The following MECOM variants were observed in gnomAD, a reference collection of about 807,000 sequenced individuals.
MECOM encodes histone-lysine N-methyltransferase MECOM.
MECOM carries 13 observed loss-of-function variants against 116.3 expected under a neutral mutation model. The ratio of observed to expected loss-of-function variants is 0.11; its 90% CI spans 0.07 to 0.18. The LOEUF is 0.18. MECOM is among the 10% of genes least tolerant of loss of function. The probability of loss-of-function intolerance (pLI) is 1.00; values close to 1 mark genes in which losing one functional copy is unlikely to be tolerated. For missense variants in MECOM, 1,299 were observed against 1,509.0 expected (o/e 0.86, Z 2.31); for synonymous variants, 528 against 535.2 (o/e 0.99, Z 0.19).
chr3:169,333,909 C>T (rs1723152975), intron 2 of MECOM, among the ~76,000 whole-genome samples: 1 of 148,754 alleles, frequency 6.7e-6, no homozygotes, highest in Non-Finnish European at 1.5e-5. Context: ...CCCTCCCTCC[C>T]TCCCTTCCTT....
At chr3:169,087,625 C>A (rs1034827889) in intron 16 of MECOM, among the ~76,000 whole-genome samples, 1 of 151,826 alleles carries the variant, frequency 6.6e-6, no homozygotes, top group African/African-American at 2.4e-5. Flanking sequence ...AACAAAAAAC[C>A]AAAAACCTTG....
chr3:169,653,093 C>A (rs1176334463), intron 1 of MECOM, among the ~76,000 whole-genome samples: 2 of 152,148 alleles, frequency 1.3e-5, no homozygotes, highest in Non-Finnish European at 2.9e-5. Flanking sequence ...GAATAATACT[C>A]CACTTTCCAG....
At chr3:169,197,525 G>C (rs1748592764) in intron 2 of MECOM, among the ~76,000 whole-genome samples, 2 of 151,766 alleles carry the variant, frequency 1.3e-5, no homozygotes, top group African/African-American at 4.8e-5. Flanking sequence ...GTGTTTACAA[G>C]GCAATTCATA....
intron 1 of MECOM, among the ~76,000 whole-genome samples, chr3:169,634,381 T>A (rs1772464717): frequency 6.6e-6 from 1 of 152,174 alleles, no homozygotes. Context: ...TTTAAGCTAA[T>A]GTGTTCATAC....
intron 2 of MECOM, among the ~76,000 whole-genome samples, chr3:169,188,468 G>C (rs879883152): frequency 2.0e-5 from 3 of 151,982 alleles, no homozygotes; most frequent in Non-Finnish European, 4.4e-5. Context: ...CTTTTGTGTA[G>C]CTTTTTATTT....
intron 2 of MECOM, among the ~76,000 whole-genome samples, chr3:169,296,746 G>C (rs1198138141): frequency 6.6e-6 from 1 of 152,144 alleles, no homozygotes; most frequent in African/African-American, 2.4e-5. Flanking sequence ...AAGGTGTTTT[G>C]CCTGAGATGA....
At chr3:169,250,645 T>C (rs545666819) in intron 2 of MECOM, among the ~76,000 whole-genome samples, 2 of 152,352 alleles carry the variant, frequency 1.3e-5, no homozygotes, top group African/African-American at 4.8e-5. Context: ...TTATTATGTC[T>C]GTGAGTAATT....
intron 2 of MECOM, among the ~76,000 whole-genome samples, chr3:169,328,939 C>A (rs1722297367): frequency 6.6e-6 from 1 of 152,292 alleles, no homozygotes; most frequent in Non-Finnish European, 1.5e-5. Context: ...GAGTACCTGA[C>A]TTTAGAAGAA....
chr3:169,143,850 A>T lies in MECOM; in HGVS notation c.376-18T>A. The T allele has an allele frequency of 6.3e-7, 1 of 1,582,912 alleles. No individual in the cohort carries two copies. Among genetic ancestry groups the T allele is most frequent in the South Asian group, 1.2e-5 (1 of 86,294 alleles). On this transcript the variant is annotated intron_variant, in intron 2 of 16. Transcript: ENST00000651503. ...TCTAAGATCTGGAGGGAAGAAGATGAGAACAATCAATTGCCATATTGGCCC... is the reference window on the plus strand; with the variant it reads ...TCTAAGATCTGGAGGGAAGAAGATGTGAACAATCAATTGCCATATTGGCCC...
At chr3:169,590,092 C>G (rs1273717059) in intron 1 of MECOM, among the ~76,000 whole-genome samples, 10 of 152,198 alleles carry the variant, frequency 6.6e-5, no homozygotes, top group Admixed American at 6.5e-4. Flanking sequence ...AACAACAGAT[C>G]ATCAACAAGT....
chr3:169,635,642 G>A (rs867819066), intron 1 of MECOM, among the ~76,000 whole-genome samples: 3 of 152,138 alleles, frequency 2.0e-5, no homozygotes, highest in Non-Finnish European at 4.4e-5. Context: ...AATATTCATT[G>A]AACATGTAAA....
At chr3:169,143,669 G>T in intron 3 of MECOM, 29 bp downstream of exon 3, 1 of 1,544,216 alleles carries the variant, frequency 6.5e-7, no homozygotes, top group South Asian at 1.2e-5. Context: ...GTGCTCTCAA[G>T]GAAAGACAAG....
Position 169,663,553 on chromosome 3 carries a change from T to A in MECOM, c.-181A>T. On this transcript the variant is annotated 5_prime_UTR_variant, in exon 1 of 17. Coordinates refer to ENST00000651503, the MANE Select transcript of MECOM (RefSeq NM_004991.4). ...CTCCCTCCCTCCTGTTTCTCTCCTG[T>A]TTCTCTCTCTCTTCCACACACTCAC... 4.7e-6 allele frequency: 3 copies of A among 633,164 alleles called. No individual in the cohort carries two copies. Among genetic ancestry groups the A allele is most frequent in the Non-Finnish European group, 8.4e-6 (3 of 358,466 alleles). The allele number at this position is 633,164 out of a possible 1,614,324, so 39.2% of individuals were successfully genotyped here. A position where few individuals can be genotyped will look rare whatever the true frequency, so the allele number is the denominator to read the frequency against.
At chr3:169,537,490 T>C (rs970619813) in intron 1 of MECOM, among the ~76,000 whole-genome samples, 1 of 152,214 alleles carries the variant, frequency 6.6e-6, no homozygotes, top group Non-Finnish European at 1.5e-5. Flanking sequence ...AGATTCATCC[T>C]GAAACTCCCT....
intron 1 of MECOM, among the ~76,000 whole-genome samples, chr3:169,594,613 G>A (rs1385159235): frequency 6.6e-6 from 1 of 151,498 alleles, no homozygotes; most frequent in African/African-American, 2.4e-5. Flanking sequence ...TCAAGTCTGA[G>A]CCTCCTCTGC....
intron 2 of MECOM, among the ~76,000 whole-genome samples, chr3:169,369,245 T>A (rs906404304): frequency 2.6e-5 from 4 of 151,730 alleles, no homozygotes; most frequent in Non-Finnish European, 4.4e-5. Context: ...ACAGCTGACC[T>A]TTCCATAAGA....
At chr3:169,091,537 A>T (rs2148862033) in intron 14 of MECOM, among the ~76,000 whole-genome samples, 1 of 152,200 alleles carries the variant, frequency 6.6e-6, no homozygotes, top group African/African-American at 2.4e-5. Flanking sequence ...TATCATTATC[A>T]AAGTATAAGA....
chr3:169,519,628 G>A (rs1006878113), intron 1 of MECOM, among the ~76,000 whole-genome samples: 3 of 152,224 alleles, frequency 2.0e-5, no homozygotes, highest in Non-Finnish European at 4.4e-5. Context: ...CTTAAAAGAT[G>A]AGGAAGGCAG....
chr3:169,524,629 G>A (rs1757759641), intron 1 of MECOM, among the ~76,000 whole-genome samples: 1 of 152,154 alleles, frequency 6.6e-6, no homozygotes, highest in Non-Finnish European at 1.5e-5. Context: ...AATCCTTTTA[G>A]CACTGGGACC....
Sources: allele counts gnomAD v4.1 joint callset (sites outside exome capture counted in the v4.1 genomes callset), GRCh38; gene constraint gnomAD v4.1.1; transcripts MANE v1.5; gene names NCBI Gene and HGNC (gene_info 2026-07-23, HGNC 2026-07-21).